NLGN1: variants seen among roughly 807,000 people sequenced by gnomAD.
NLGN1 encodes neuroligin 1, also known as neuroligin-1.
NLGN1 carries 12 observed loss-of-function variants against 65.5 expected under a neutral mutation model. The ratio of observed to expected loss-of-function variants is 0.18; its 90% CI spans 0.12 to 0.30. NLGN1 has a LOEUF of 0.30. NLGN1 is among the 10% of genes least tolerant of loss of function. The pLI is 1.00. For missense variants in NLGN1, 750 were observed against 1,007.1 expected, an observed-to-expected ratio of 0.74 and a Z score of 3.46; for synonymous variants, 350 against 359.5, an observed-to-expected ratio of 0.97 and a Z score of 0.30.
chr3:173,678,587 T>C (rs1013163691), intron 3 of NLGN1, among the ~76,000 whole-genome samples: 18 of 152,062 alleles, frequency 1.2e-4, no homozygotes, highest in Non-Finnish European at 5.9e-5. Flanking sequence ...AAATGGTTCG[T>C]TATGGCTATA....
chr3:173,735,048 C>A (rs1216386962), intron 3 of NLGN1, among the ~76,000 whole-genome samples: 2 of 152,036 alleles, frequency 1.3e-5, no homozygotes, highest in African/African-American at 4.8e-5. Context: ...TCCAGCTATG[C>A]AAATAAGGGT....
At chr3:174,231,878 G>T (rs559585497) in intron 4 of NLGN1, among the ~76,000 whole-genome samples, 3 of 152,136 alleles carry the variant, frequency 2.0e-5, no homozygotes, top group Non-Finnish European at 4.4e-5. Flanking sequence ...GCCTTTCTAA[G>T]TCTAGGTTTT....
chr3:173,524,656 ATGCTT>A (rs1268440162), intron 2 of NLGN1, among the ~76,000 whole-genome samples: 2 of 152,172 alleles, frequency 1.3e-5, no homozygotes, highest in Non-Finnish European at 2.9e-5. Context: ...CTTAGGAAGA[ATGCTT>A]TGAGTTTTTG....
At chr3:173,815,902 C>G (rs1718939428) in intron 4 of NLGN1, among the ~76,000 whole-genome samples, 1 of 151,688 alleles carries the variant, frequency 6.6e-6, no homozygotes, top group Non-Finnish European at 1.5e-5. Flanking sequence ...GCCTCCTTTT[C>G]TTATTGACTT....
At chr3:174,190,264 C>G (rs1732142699) in intron 4 of NLGN1, among the ~76,000 whole-genome samples, 1 of 151,802 alleles carries the variant, frequency 6.6e-6, no homozygotes. Flanking sequence ...ATAGAAATAG[C>G]ACCTACCAGA....
At chr3:173,609,378 C>T (rs545561682) in intron 3 of NLGN1, among the ~76,000 whole-genome samples, 5 of 151,974 alleles carry the variant, frequency 3.3e-5, no homozygotes, top group Admixed American at 6.6e-5. Context: ...GCATTTTGGT[C>T]GTGATTTTCA....
At chr3:174,250,278 A>G (rs1744537642) in intron 4 of NLGN1, among the ~76,000 whole-genome samples, 1 of 152,222 alleles carries the variant, frequency 6.6e-6, no homozygotes, top group African/African-American at 2.4e-5. Context: ...TTCTGGTGAT[A>G]CAACATAGGA....
intron 3 of NLGN1, among the ~76,000 whole-genome samples, chr3:173,669,912 A>G (rs1424599964): frequency 6.6e-6 from 1 of 152,218 alleles, no homozygotes; most frequent in Non-Finnish European, 1.5e-5. Context: ...GTTTAAAACT[A>G]TTATGTGATG....
At chr3:173,638,327 A>G (rs980592594) in intron 3 of NLGN1, among the ~76,000 whole-genome samples, 1 of 151,916 alleles carries the variant, frequency 6.6e-6, no homozygotes, top group Admixed American at 6.6e-5. Flanking sequence ...GTCAACTTCA[A>G]TAGACAGATG....
intron 2 of NLGN1, among the ~76,000 whole-genome samples, chr3:173,556,253 G>T (rs1218099688): frequency 6.6e-6 from 1 of 151,960 alleles, no homozygotes; most frequent in Admixed American, 6.5e-5. Flanking sequence ...TTTTGGTTTT[G>T]TTGGGTTTTT....
chr3:174,015,555 CA>C (rs1726384245), intron 4 of NLGN1, among the ~76,000 whole-genome samples: 1 of 152,160 alleles, frequency 6.6e-6, no homozygotes, highest in Admixed American at 6.6e-5. Flanking sequence ...ACAATGACTT[CA>C]ACATATGAAT....
intron 4 of NLGN1, among the ~76,000 whole-genome samples, chr3:174,272,992 T>G (rs987373044): frequency 1.3e-5 from 2 of 150,470 alleles, no homozygotes; most frequent in Non-Finnish European, 3.0e-5. Context: ...AAGTTACTTT[T>G]CAGAGGAACT....
intron 4 of NLGN1, among the ~76,000 whole-genome samples, chr3:174,261,042 A>G (rs1746790929): frequency 6.6e-6 from 1 of 152,032 alleles, no homozygotes; most frequent in African/African-American, 2.4e-5. Flanking sequence ...CCATTGATCT[A>G]TATCTCTGTT....
chr3:173,586,449 T>C (rs1440941950), intron 2 of NLGN1, among the ~76,000 whole-genome samples: 2 of 152,226 alleles, frequency 1.3e-5, no homozygotes, highest in Non-Finnish European at 2.9e-5. Flanking sequence ...ATTAAAAGAT[T>C]AGTCTAACCA....
intron 4 of NLGN1, among the ~76,000 whole-genome samples, chr3:173,915,937 C>T (rs772343015): frequency 7.2e-5 from 11 of 151,806 alleles, no homozygotes; most frequent in South Asian, 6.2e-4. Flanking sequence ...GCATTTTAGG[C>T]TGAATCAGGA....
intron 4 of NLGN1, among the ~76,000 whole-genome samples, chr3:174,026,724 T>A (rs552024137): frequency 2.0e-5 from 3 of 152,278 alleles, no homozygotes; most frequent in Admixed American, 6.5e-5. Context: ...CTATGTCCCA[T>A]GCACTATTAG....
chr3:173,756,266 T>A (rs1471658717), intron 3 of NLGN1, among the ~76,000 whole-genome samples: 9 of 152,010 alleles, frequency 5.9e-5, no homozygotes, highest in African/African-American at 2.2e-4. Flanking sequence ...AAGTATAAAT[T>A]TTTAAAAGTT....
At chr3:173,432,224 A>G (rs1039388756) in intron 1 of NLGN1, among the ~76,000 whole-genome samples, 2 of 152,346 alleles carry the variant, frequency 1.3e-5, no homozygotes, top group Admixed American at 6.5e-5. Flanking sequence ...TAAGTTTTCA[A>G]CTTCTTTGTG....
intron 2 of NLGN1, among the ~76,000 whole-genome samples, chr3:173,484,895 G>A (rs1376576519): frequency 1.3e-5 from 2 of 151,786 alleles, no homozygotes; most frequent in Admixed American, 1.3e-4. Flanking sequence ...CAGTTTCTGT[G>A]TTTTTCTACT....
Sources: gnomAD v4.1 joint callset for allele counts (sites outside exome capture counted in the v4.1 genomes callset) on GRCh38, gnomAD v4.1.1 for gene constraint, MANE v1.5 for transcripts, NCBI Gene and HGNC (gene_info 2026-07-23, HGNC 2026-07-21) for gene names.